The following CSMD1 variants were observed in gnomAD, a reference collection of about 807,000 sequenced individuals.
CSMD1 encodes CUB and sushi domain-containing protein 1.
Under a neutral mutation model 417.5 loss-of-function variants are expected in CSMD1, and 213 were observed. The ratio of observed to expected loss-of-function variants is 0.51; its 90% CI spans 0.46 to 0.57. CSMD1 has a LOEUF of 0.57. Among genes scored for constraint, CSMD1 ranks in the 20% least tolerant of loss-of-function variants. The probability of loss-of-function intolerance (pLI) is 0.00; values close to 1 mark genes in which losing one functional copy is unlikely to be tolerated. For missense variants in CSMD1, 6,923 were observed against 4,529.7 expected (o/e 1.53, Z -15.17); for synonymous variants, 2,862 against 1,736.8 (o/e 1.65, Z -16.11).
chr8:4,149,690 T>C (rs1430208098), intron 3 of CSMD1, among the ~76,000 whole-genome samples: 2 of 152,158 alleles, frequency 1.3e-5, no homozygotes, highest in African/African-American at 4.8e-5. Context: ...GAATAAACAA[T>C]GCTGAGTGAT....
At chr8:3,857,131 A>T (rs1187236852) in intron 5 of CSMD1, among the ~76,000 whole-genome samples, 1 of 152,190 alleles carries the variant, frequency 6.6e-6, no homozygotes, top group East Asian at 1.9e-4. Context: ...ACTAAGACAA[A>T]GTTGTCTACG....
intron 2 of CSMD1, among the ~76,000 whole-genome samples, chr8:4,492,368 G>C (rs1801748209): frequency 6.6e-6 from 1 of 152,194 alleles, no homozygotes; most frequent in Admixed American, 6.5e-5. Flanking sequence ...CTAAGTGAAA[G>C]AAGGCAGTCT....
intron 5 of CSMD1, among the ~76,000 whole-genome samples, chr8:3,832,242 C>T (rs1276511380): frequency 1.3e-5 from 2 of 152,164 alleles, no homozygotes; most frequent in Non-Finnish European, 2.9e-5. Flanking sequence ...ACCTGAAGTC[C>T]TGCGCTTCCC....
rs373648456 is a variant in CSMD1, at chr8:3,967,123, T to A, written c.818+30780A>T. 4.6e-5 allele frequency among the ~76,000 whole-genome samples: 7 copies of A among 152,018 alleles called. No individual in the cohort carries two copies. In the South Asian group the frequency reaches 1.5e-3, roughly 32 times the overall value. On this transcript the variant is annotated intron_variant, in intron 5 of 69. Transcript: ENST00000635120. ...CCATGATTTTCATAGAGAAACGGAC[T>A]AATTTTGTCTATTTGCATCTTTCTG...
chr8:3,556,831 C>G (rs1799177520), intron 10 of CSMD1, among the ~76,000 whole-genome samples: 1 of 151,906 alleles, frequency 6.6e-6, no homozygotes, highest in Non-Finnish European at 1.5e-5. Flanking sequence ...TCTCCCTTCA[C>G]TGCCATAGGG....
intron 50 of CSMD1, among the ~76,000 whole-genome samples, chr8:3,040,306 G>A (rs1810999636): frequency 6.6e-6 from 1 of 151,176 alleles, no homozygotes; most frequent in South Asian, 2.1e-4. Context: ...ATAGCTTGGA[G>A]AAGCTTTAGT....
At chr8:4,937,178 A>G (rs1041733734) in intron 1 of CSMD1, among the ~76,000 whole-genome samples, 2 of 152,168 alleles carry the variant, frequency 1.3e-5, no homozygotes, top group African/African-American at 2.4e-5. Context: ...CTGAGACTGC[A>G]TTACAGCCTG....
chr8:4,005,736 G>C (rs2740969), intron 4 of CSMD1, among the ~76,000 whole-genome samples: 56,208 of 152,022 alleles, frequency 0.37, 10,494 homozygotes, highest in South Asian at 0.4. Flanking sequence ...AGCTAAATAT[G>C]TGGAAGTGAG....
intron 3 of CSMD1, among the ~76,000 whole-genome samples, chr8:4,415,916 CAT>C (rs537784947): frequency 5.9e-5 from 9 of 152,286 alleles, no homozygotes; most frequent in South Asian, 2.1e-4. Context: ...GATGTACAGA[CAT>C]GTGGATAATT....
At chr8:4,462,729 C>G (rs1563202182) in intron 2 of CSMD1, among the ~76,000 whole-genome samples, 1 of 152,002 alleles carries the variant, frequency 6.6e-6, no homozygotes, top group African/African-American at 2.4e-5. Context: ...CCAAAACAAT[C>G]AAGAAAAAAA....
intron 49 of CSMD1, among the ~76,000 whole-genome samples, chr8:3,083,939 C>G (rs550573807): frequency 6.6e-6 from 1 of 151,924 alleles, no homozygotes; most frequent in African/African-American, 2.4e-5. Flanking sequence ...GCTTGGAATA[C>G]AGGTGTCAGC....
chr8:3,604,029 G>C (rs972069558), intron 8 of CSMD1, among the ~76,000 whole-genome samples: 1 of 152,182 alleles, frequency 6.6e-6, no homozygotes, highest in Non-Finnish European at 1.5e-5. Flanking sequence ...ACCTGTAAAT[G>C]TAAATGCATT....
rs1012088872 is a variant in CSMD1, at chr8:4,145,836, A to G, written c.416-113737T>C. On this transcript the variant is annotated intron_variant, in intron 3 of 69. Transcript: ENST00000635120. ...GCAAGGGTTGGAATGGCTTCCAGGA[A>G]GCAGAGCCGTTCACACCAGCTTTGA... 1.5e-4 allele frequency among the ~76,000 whole-genome samples: 22 copies of G among 151,220 alleles called. 1 individual carries two copies. The East Asian group carries it at 2.1e-3, about 15-fold the overall frequency.
At position 3,091,526 on chromosome 8, in the gene CSMD1, A is replaced by G. The variant is rs1050005978; in HGVS notation, c.7275T>C (p.Ile2425=). Residue 2425 remains isoleucine, a synonymous_variant, in exon 48 of 70, where the codon ATT becomes ATC. Transcript: ENST00000635120. ...ACCTCATTTACTTACCTGCATAGCG[A>G]ATCTTGAATCCTTTCTTACTGGTGG... ...DHATSKKGFK[I]RYAAPYCSLT... 1 of 1,602,776 alleles carries G rather than the reference A, an allele frequency of 6.2e-7. No individual in the cohort carries two copies. Among genetic ancestry groups the G allele is most frequent in the Non-Finnish European group, 8.5e-7 (1 of 1,177,338 alleles).
chr8:3,872,398 C>G (rs973338280), intron 5 of CSMD1, among the ~76,000 whole-genome samples: 3 of 152,100 alleles, frequency 2.0e-5, no homozygotes, highest in Admixed American at 1.3e-4. Context: ...CTCAACTGTT[C>G]ATTACTACCT....
Position 3,399,378 on chromosome 8 carries a change from A to AT in CSMD1, c.2405+12dup, listed in dbSNP as rs746648165. 44 of 1,590,868 alleles carry AT rather than the reference A, an allele frequency of 2.8e-5. No individual in the cohort carries two copies. Among genetic ancestry groups the AT allele is most frequent in the East Asian group, 1.8e-4 (8 of 44,354 alleles). ...CACCATTGGGTCCAAATGAAGACTA[A>AT]TTTTTTTCTTACCTGTCAAAAGTTA... On this transcript the variant is annotated intron_variant, in intron 16 of 69. Coordinates refer to ENST00000635120, the MANE Select transcript of CSMD1 (RefSeq NM_033225.6).
intron 2 of CSMD1, among the ~76,000 whole-genome samples, chr8:4,498,007 C>A (rs749046195): frequency 6.6e-6 from 1 of 152,116 alleles, no homozygotes; most frequent in African/African-American, 2.4e-5. Flanking sequence ...GTACAGTAAA[C>A]GTCCCGCAGC....
chr8:3,749,069 T>C (rs564983870), intron 6 of CSMD1, among the ~76,000 whole-genome samples: 2 of 152,298 alleles, frequency 1.3e-5, no homozygotes, highest in South Asian at 2.1e-4. Context: ...GATGACTATT[T>C]AGTAGTGAGG....
chr8:3,040,096 T>C (rs1313867590), intron 50 of CSMD1, among the ~76,000 whole-genome samples: 4 of 152,186 alleles, frequency 2.6e-5, no homozygotes, highest in African/African-American at 9.6e-5. Flanking sequence ...CTCTCTCACC[T>C]CTACTTTTCC....
Sources: gnomAD v4.1 joint callset for allele counts (sites outside exome capture counted in the v4.1 genomes callset) on GRCh38, gnomAD v4.1.1 for gene constraint, MANE v1.5 for transcripts, NCBI Gene and HGNC (gene_info 2026-07-23, HGNC 2026-07-21) for gene names.